SYT16: variants seen among roughly 807,000 people sequenced by gnomAD.
SYT16 encodes synaptotagmin-16.
SYT16 carries 42 observed loss-of-function variants against 61.4 expected under a neutral mutation model. The observed-to-expected ratio is 0.68, with a 90% CI of 0.53 to 0.89. The LOEUF (loss-of-function observed/expected upper bound fraction) is 0.89, where lower values mean the gene tolerates loss of function less well. SYT16 is among the 40% of genes least tolerant of loss of function. SYT16 has a pLI of 0.00. For missense variants in SYT16, 804 were observed against 807.3 expected (o/e 1.00, Z 0.05); for synonymous variants, 314 against 302.3 (o/e 1.04, Z -0.40).
At chr14:62,067,439 G>A (rs1382300308) in intron 3 of SYT16, among the ~76,000 whole-genome samples, 1 of 152,122 alleles carries the variant, frequency 6.6e-6, no homozygotes, top group African/African-American at 2.4e-5. Flanking sequence ...GGGGGAGGCA[G>A]AAGGAACAAC....
At chr14:62,000,532 G>GT (rs1431096122) in intron 3 of SYT16, among the ~76,000 whole-genome samples, 6 of 151,726 alleles carry the variant, frequency 4.0e-5, no homozygotes, top group Non-Finnish European at 8.8e-5. Context: ...TGTTTTAACT[G>GT]TTTGTATTTA....
chr14:62,051,415 T>C (rs917616019), intron 3 of SYT16, among the ~76,000 whole-genome samples: 1 of 152,240 alleles, frequency 6.6e-6, no homozygotes, highest in Non-Finnish European at 1.5e-5. Context: ...CCCCTTGCAC[T>C]TCCCTGGTGA....
Position 62,063,225 on chromosome 14 carries a change from A to G in SYT16, c.524-6378A>G, listed in dbSNP as rs541277436. Among the ~76,000 whole-genome samples, 4 of 152,264 alleles carry G rather than the reference A, an allele frequency of 2.6e-5. No homozygotes were observed. In the East Asian group the frequency reaches 7.7e-4, roughly 29 times the overall value. On this transcript the variant is annotated intron_variant, in intron 3 of 7. Transcript: ENST00000683842. ...TCCACCCTTCCACTACAACAACCCTAATGGTGAGTTCTCAAAGTCAGACCC... is the reference window on the plus strand; with the variant it reads ...TCCACCCTTCCACTACAACAACCCTGATGGTGAGTTCTCAAAGTCAGACCC...
intron 3 of SYT16, among the ~76,000 whole-genome samples, chr14:62,051,590 T>C (rs539753088): frequency 1.3e-5 from 2 of 152,262 alleles, no homozygotes; most frequent in Non-Finnish European, 2.9e-5. Flanking sequence ...ACTAGAGCTG[T>C]TCCTATTCGG....
chr14:61,996,185 G>T lies in SYT16; in HGVS notation c.166G>T (p.Asp56Tyr). Residue 56 changes from aspartate (D) to tyrosine (Y), a missense_variant, in exon 3 of 8, where the codon GAC becomes TAC. Asp to Tyr is a radical substitution (Grantham distance 160). Coordinates refer to ENST00000683842, the MANE Select transcript of SYT16 (RefSeq NM_001367656.1). ...DSKLSDKLDQ[D>Y]LDNIQIQETY... ...TAAATTGAGTGACAAACTAGATCAG[G>T]ACTTAGATAATATTCAGATTCAGGA... is the stretch of plus-strand genomic sequence containing the variant. The T allele has an allele frequency of 4.3e-6, 7 of 1,613,446 alleles. No individual in the cohort carries two copies. The highest frequency in any genetic ancestry group is 5.9e-6 in the Non-Finnish European group (7 of 1,179,584).
chr14:62,078,352 G>A (rs1046003479), intron 5 of SYT16, among the ~76,000 whole-genome samples: 4 of 152,098 alleles, frequency 2.6e-5, no homozygotes, highest in African/African-American at 9.7e-5. Flanking sequence ...GGATAATCTT[G>A]TCTGGGAATT....
chr14:62,067,960 T>G (rs574328213), intron 3 of SYT16, among the ~76,000 whole-genome samples: 2 of 152,256 alleles, frequency 1.3e-5, no homozygotes, highest in African/African-American at 4.8e-5. Flanking sequence ...CACTCCAGCC[T>G]GGGTGGCAGA....
At chr14:62,047,630 T>C (rs1052655254) in intron 3 of SYT16, among the ~76,000 whole-genome samples, 1 of 150,564 alleles carries the variant, frequency 6.6e-6, no homozygotes, top group African/African-American at 2.5e-5. Flanking sequence ...ATAGCTCTTA[T>C]TATTTTGAGA....
chr14:61,877,212 A>G (rs2047530703), intron 1 of SYT16, among the ~76,000 whole-genome samples: 1 of 152,032 alleles, frequency 6.6e-6, no homozygotes, highest in South Asian at 2.1e-4. Context: ...GGTGGAGTGC[A>G]GTACTCCGCC....
rs1009640588 is a variant in SYT16, at chr14:62,101,547, T to C, written c.*840T>C. 6.6e-6 allele frequency: 1 copy of C among 152,222 alleles called. No individual in the cohort carries two copies. Among genetic ancestry groups the C allele is most frequent in the African/African-American group, 2.4e-5 (1 of 41,462 alleles). 9.4% of individuals were successfully genotyped at this position (152,222 alleles called of 1,614,324 possible). On this transcript the variant is annotated 3_prime_UTR_variant, in exon 8 of 8. Transcript: ENST00000683842. ...ATTTTTTCTGCTTCTGGTGTTCTTT[T>C]GGATTATCCTTTTTCTATGTTCAAT...
intron 1 of SYT16, among the ~76,000 whole-genome samples, chr14:61,856,085 G>A (rs935134334): frequency 9.9e-5 from 15 of 152,238 alleles, no homozygotes; most frequent in Admixed American, 6.5e-4. Flanking sequence ...GTGGAAGGGA[G>A]TGCAGGAGGA....
intron 3 of SYT16, among the ~76,000 whole-genome samples, chr14:62,032,103 T>A (rs1228978675): frequency 6.6e-6 from 1 of 152,018 alleles, no homozygotes; most frequent in Non-Finnish European, 1.5e-5. Flanking sequence ...AAAACGGGAA[T>A]GATGAATTAA....
chr14:62,073,844 G>A (rs1056831357), intron 4 of SYT16, among the ~76,000 whole-genome samples: 2 of 152,180 alleles, frequency 1.3e-5, no homozygotes, highest in Non-Finnish European at 2.9e-5. Flanking sequence ...GTTCTCTGAA[G>A]GGTAAGTGAT....
At chr14:62,003,431 C>G (rs2053100644) in intron 3 of SYT16, among the ~76,000 whole-genome samples, 1 of 151,740 alleles carries the variant, frequency 6.6e-6, no homozygotes, top group South Asian at 2.1e-4. Flanking sequence ...TCATTTAATT[C>G]TTACCAGCTT....
At chr14:62,082,674 A>T (rs1595373122) in intron 6 of SYT16, among the ~76,000 whole-genome samples, 1 of 152,194 alleles carries the variant, frequency 6.6e-6, no homozygotes, top group Admixed American at 6.5e-5. Context: ...ATCTGAGTAA[A>T]GCACATCGGA....
At chr14:61,884,290 A>G (rs760367094) in intron 1 of SYT16, among the ~76,000 whole-genome samples, 4 of 152,228 alleles carry the variant, frequency 2.6e-5, no homozygotes, top group African/African-American at 4.8e-5. Context: ...TTCATCAGCA[A>G]TAAGTCTTGT....
chr14:61,913,501 G>T (rs2049007940), intron 1 of SYT16, among the ~76,000 whole-genome samples: 1 of 152,082 alleles, frequency 6.6e-6, no homozygotes, highest in Non-Finnish European at 1.5e-5. Flanking sequence ...GAGGAGTAAG[G>T]CAGCATAGAA....
chr14:61,845,705 C>CTTATT (rs1177449637), intron 1 of SYT16, among the ~76,000 whole-genome samples: 1 of 151,922 alleles, frequency 6.6e-6, no homozygotes, highest in Non-Finnish European at 1.5e-5. Flanking sequence ...ATCTTTATTT[C>CTTATT]TTTTCTTCTA....
chr14:62,009,033 G>T (rs769780276), intron 3 of SYT16, among the ~76,000 whole-genome samples: 1 of 152,026 alleles, frequency 6.6e-6, no homozygotes, highest in Non-Finnish European at 1.5e-5. Flanking sequence ...CCTGGTCGAG[G>T]TCCCTTGAAT....
Sources: gnomAD v4.1 joint callset for allele counts (sites outside exome capture counted in the v4.1 genomes callset) on GRCh38, gnomAD v4.1.1 for gene constraint, MANE v1.5 for transcripts, NCBI Gene and HGNC (gene_info 2026-07-23, HGNC 2026-07-21) for gene names.